Variants in FER1L6 observed in about 807,000 individuals in gnomAD.
The protein encoded by FER1L6 is fer-1 like family member 6, also known as fer-1-like protein 6.
Under a neutral mutation model 219.2 loss-of-function variants are expected in FER1L6, and 177 were observed. The observed-to-expected ratio is 0.81, with a 90% CI of 0.71 to 0.91. The LOEUF (loss-of-function observed/expected upper bound fraction) is 0.91, where lower values mean the gene tolerates loss of function less well. Among genes scored for constraint, FER1L6 ranks in the 40% least tolerant of loss-of-function variants. The pLI, the probability that FER1L6 is intolerant of heterozygous loss-of-function variation, is 0.00. For synonymous variants in FER1L6, 768 were observed against 824.3 expected (o/e 0.93, Z 1.17); for missense variants, 2,153 against 2,259.9 (o/e 0.95, Z 0.96).
chr8:123,914,908 T>G (rs1331581134), intron 1 of FER1L6, among the ~76,000 whole-genome samples: 1 of 152,206 alleles, frequency 6.6e-6, no homozygotes, highest in Admixed American at 6.5e-5. Flanking sequence ...TCTAGAATAT[T>G]TGGAAAATGT....
chr8:124,024,327 G>A (rs1000315286), intron 18 of FER1L6, among the ~76,000 whole-genome samples: 1 of 151,956 alleles, frequency 6.6e-6, no homozygotes, highest in Non-Finnish European at 1.5e-5. Flanking sequence ...GTATGAATAG[G>A]TAGTTTTTTG....
chr8:124,094,796 A>T, intron 34 of FER1L6, 100 bp from the exon 35 acceptor site: 2 of 1,361,418 alleles, frequency 1.5e-6, no homozygotes, highest in Non-Finnish European at 2.1e-6. Flanking sequence ...CCCTTGGTAC[A>T]TTTAAATAAG....
At chr8:124,055,550 C>T (rs148502373) in intron 22 of FER1L6, among the ~76,000 whole-genome samples, 1 of 152,160 alleles carries the variant, frequency 6.6e-6, no homozygotes, top group Non-Finnish European at 1.5e-5. Flanking sequence ...ATTCTCCATA[C>T]TTAGAACACT....
chr8:123,856,989 A>C (rs935076377), intron 1 of FER1L6, among the ~76,000 whole-genome samples: 1 of 152,070 alleles, frequency 6.6e-6, no homozygotes, highest in South Asian at 2.1e-4. Flanking sequence ...GATTCCATTC[A>C]TCTCCTGGGT....
At chr8:124,048,773 A>G (rs1477579789) in intron 21 of FER1L6, among the ~76,000 whole-genome samples, 2 of 152,246 alleles carry the variant, frequency 1.3e-5, no homozygotes, top group Non-Finnish European at 2.9e-5. Flanking sequence ...GAGGTTGAGC[A>G]GCTGGCCCAA....
intron 5 of FER1L6, among the ~76,000 whole-genome samples, chr8:123,967,096 A>G (rs866797610): frequency 6.6e-6 from 1 of 152,016 alleles, no homozygotes; most frequent in Non-Finnish European, 1.5e-5. Flanking sequence ...AAAAAAAAAA[A>G]AAAAATTACT....
At chr8:124,097,439 T>G in intron 36 of FER1L6, 80 bp downstream of exon 36, 1 of 1,058,844 alleles carries the variant, frequency 9.4e-7, no homozygotes, top group Non-Finnish European at 1.4e-6. Context: ...ATCTGGTGTC[T>G]GACAGGTTAC....
chr8:123,967,376 TC>T (rs1815595823), intron 5 of FER1L6, among the ~76,000 whole-genome samples: 1 of 152,196 alleles, frequency 6.6e-6, no homozygotes, highest in Non-Finnish European at 1.5e-5. Flanking sequence ...TACAGCTCAT[TC>T]CCATTTTGCC....
At chr8:123,929,734 G>A (rs1813697665) in intron 1 of FER1L6, among the ~76,000 whole-genome samples, 1 of 152,152 alleles carries the variant, frequency 6.6e-6, no homozygotes, top group African/African-American at 2.4e-5. Context: ...TTTGGCATGA[G>A]GGGTCAGTAC....
intron 12 of FER1L6, among the ~76,000 whole-genome samples, chr8:123,995,129 G>A (rs980157585): frequency 5.3e-5 from 8 of 152,170 alleles, no homozygotes; most frequent in African/African-American, 1.9e-4. Flanking sequence ...AAGTTTTCCT[G>A]TTAAGTTCCT....
At position 123,973,661 on chromosome 8, in the gene FER1L6, C is replaced by A. The variant is rs1254084507; in HGVS notation, c.526+149C>A. The A allele has an allele frequency of 4.5e-6, 3 of 669,022 alleles. No individual in the cohort carries two copies. In the East Asian group the frequency reaches 7.9e-5, roughly 18 times the overall value. The allele number at this position is 669,022 out of a possible 1,614,324, so 41.4% of individuals were successfully genotyped here. A position where few individuals can be genotyped will look rare whatever the true frequency, so the allele number is the denominator to read the frequency against. On this transcript the variant is annotated intron_variant, in intron 7 of 40. Transcript: ENST00000522917. ...AAAGTTGAATGAGACATAACTCTTG[C>A]CCTCAAATGTTTTACAGTCTAATGA...
At chr8:124,037,384 T>G (rs1434919117) in intron 19 of FER1L6, among the ~76,000 whole-genome samples, 1 of 152,242 alleles carries the variant, frequency 6.6e-6, no homozygotes, top group East Asian at 1.9e-4. Context: ...TGCCATCTGC[T>G]GAACATTCCA....
At chr8:123,901,651 T>TC (rs1163687120) in intron 1 of FER1L6, among the ~76,000 whole-genome samples, 2 of 152,054 alleles carry the variant, frequency 1.3e-5, no homozygotes, top group Non-Finnish European at 2.9e-5. Flanking sequence ...CCATGAACTT[T>TC]CCTCTTAGCA....
chr8:123,939,785 CG>C (rs1336843375), intron 1 of FER1L6, among the ~76,000 whole-genome samples: 2 of 152,152 alleles, frequency 1.3e-5, no homozygotes, highest in African/African-American at 4.8e-5. Flanking sequence ...GGAGATTGAG[CG>C]GCATACTTTC....
intron 1 of FER1L6, among the ~76,000 whole-genome samples, chr8:123,872,221 T>C (rs1816936052): frequency 6.6e-6 from 1 of 152,214 alleles, no homozygotes; most frequent in South Asian, 2.1e-4. Context: ...CGCCCCATAA[T>C]CCAATCACCT....
chr8:123,870,983 G>A (rs552562943), intron 1 of FER1L6, among the ~76,000 whole-genome samples: 1 of 152,264 alleles, frequency 6.6e-6, no homozygotes, highest in African/African-American at 2.4e-5. Context: ...TCCCATGGAG[G>A]TATGTGTTAA....
At chr8:124,027,303 T>A (rs894783311) in intron 18 of FER1L6, among the ~76,000 whole-genome samples, 2 of 152,226 alleles carry the variant, frequency 1.3e-5, no homozygotes, top group Non-Finnish European at 2.9e-5. Flanking sequence ...CCTTGGGCAA[T>A]TTAACATTCT....
chr8:124,041,643 A>C (rs1047379031), intron 20 of FER1L6, among the ~76,000 whole-genome samples: 1 of 152,216 alleles, frequency 6.6e-6, no homozygotes, highest in Non-Finnish European at 1.5e-5. Flanking sequence ...ACAGAGTCCT[A>C]CAAGAGCCAG....
chr8:124,096,114 A>G (rs1055518225), intron 35 of FER1L6, among the ~76,000 whole-genome samples: 7 of 152,170 alleles, frequency 4.6e-5, no homozygotes, highest in African/African-American at 1.7e-4. Context: ...CGTGTGGACG[A>G]CCGCGTTGAG....
Sources: allele counts gnomAD v4.1 joint callset (sites outside exome capture counted in the v4.1 genomes callset), GRCh38; gene constraint gnomAD v4.1.1; transcripts MANE v1.5; gene names NCBI Gene and HGNC (gene_info 2026-07-23, HGNC 2026-07-21).